The following DLG2 variants were observed in gnomAD, a reference collection of about 807,000 sequenced individuals.
DLG2 encodes disks large homolog 2.
A neutral mutation model predicts 132.5 loss-of-function variants in DLG2; 45 were observed. The observed-to-expected ratio is 0.34, with a 90% confidence interval of 0.27 to 0.44. The LOEUF is 0.44. DLG2 is among the 20% of genes least tolerant of loss of function. DLG2 has a pLI of 1.00. For synonymous variants in DLG2, 424 were observed against 419.6 expected, an observed-to-expected ratio of 1.01 and a Z score of -0.13; for missense variants, 1,045 against 1,196.9, an observed-to-expected ratio of 0.87 and a Z score of 1.87.
intron 21 of DLG2, among the ~76,000 whole-genome samples, chr11:83,528,011 G>T (rs2095650242): frequency 6.6e-6 from 1 of 152,118 alleles, no homozygotes; most frequent in African/African-American, 2.4e-5. Context: ...CCAGAGGCTG[G>T]TTTGACTAGA....
intron 7 of DLG2, among the ~76,000 whole-genome samples, chr11:84,269,431 G>T (rs1410470527): frequency 6.6e-6 from 1 of 152,152 alleles, no homozygotes; most frequent in Non-Finnish European, 1.5e-5. Context: ...TCAAAATTCT[G>T]TTTAACCTTC....
rs544398131 is a variant in DLG2 at position 85,403,328 on chromosome 11, T to C, written c.41-117963A>G. On this transcript the variant is annotated intron_variant, in intron 3 of 27. Transcript: ENST00000376104. ...CACACAGGGTCGGGTACATCAAACA[T>C]TGGGGCCTGTCAGTTGGTGGGGGCT... Among the ~76,000 whole-genome samples the C allele has an allele frequency of 2.5e-4, 38 of 151,830 alleles. No homozygotes were observed. In the East Asian group the frequency reaches 5.2e-3, roughly 21 times the overall value.
intron 5 of DLG2, among the ~76,000 whole-genome samples, chr11:85,139,287 C>T (rs2076312204): frequency 6.6e-6 from 1 of 152,052 alleles, no homozygotes; most frequent in African/African-American, 2.4e-5. Context: ...AGATGCTAAA[C>T]AGAGATTTTT....
chr11:85,589,047 T>C (rs899208561), intron 3 of DLG2, among the ~76,000 whole-genome samples: 1 of 152,194 alleles, frequency 6.6e-6, no homozygotes, highest in Non-Finnish European at 1.5e-5. Context: ...CAGCCATGGA[T>C]ACCAGCGCCT....
intron 6 of DLG2, among the ~76,000 whole-genome samples, chr11:84,800,253 AT>A (rs2075204579): frequency 6.6e-6 from 1 of 152,184 alleles, no homozygotes; most frequent in Non-Finnish European, 1.5e-5. Flanking sequence ...CTTTACATAT[AT>A]TTCCTATAAA....
chr11:84,867,810 C>T (rs954054071), intron 6 of DLG2, among the ~76,000 whole-genome samples: 18 of 152,110 alleles, frequency 1.2e-4, no homozygotes, highest in Admixed American at 7.9e-4. Context: ...CGTGGTGGCT[C>T]ACGCCTGTAA....
intron 3 of DLG2, among the ~76,000 whole-genome samples, chr11:85,582,731 A>G (rs2078634107): frequency 7.0e-6 from 1 of 143,400 alleles, no homozygotes; most frequent in South Asian, 2.3e-4. Context: ...TTTCTGAAGC[A>G]CAAGGCTTAT....
intron 3 of DLG2, among the ~76,000 whole-genome samples, chr11:85,351,791 T>C (rs1412966756): frequency 1.3e-5 from 2 of 152,202 alleles, no homozygotes; most frequent in African/African-American, 4.8e-5. Flanking sequence ...CTTTTTGAAG[T>C]GCTGCTGGAT....
At position 85,012,986 on chromosome 11, in the gene DLG2, A is replaced by C. The variant is rs1465810877; in HGVS notation, c.357+98675T>G. On this transcript the variant is annotated intron_variant, in intron 6 of 27. Transcript: ENST00000376104. ...GCATATAAAGTGGCAAGTTCATAGA[A>C]GGTCTTTTATCAATATTAAATATCT... Among the ~76,000 whole-genome samples the C allele has an allele frequency of 2.0e-5, 3 of 152,326 alleles. No individual in the cohort carries two copies. The East Asian group carries it at 5.8e-4, about 29-fold the overall frequency.
chr11:85,471,048 C>T lies in DLG2; in HGVS notation c.40+127609G>A, dbSNP rs552065367. 1.3e-4 allele frequency among the ~76,000 whole-genome samples: 20 copies of T among 152,282 alleles called. No individual in the cohort carries two copies. The South Asian group carries it at 3.9e-3, about 30-fold the overall frequency. ...TTTACATTTGAAAGACTAGGTTTCTCTCACTCTGAGGTGGGCAGGATGGCA... is the reference window on the plus strand; with the variant it reads ...TTTACATTTGAAAGACTAGGTTTCTTTCACTCTGAGGTGGGCAGGATGGCA... On this transcript the variant is annotated intron_variant, in intron 3 of 27. Coordinates refer to ENST00000376104, the MANE Select transcript of DLG2 (RefSeq NM_001142699.3).
intron 18 of DLG2, among the ~76,000 whole-genome samples, chr11:83,753,881 TA>T: frequency 1.3e-5 from 1 of 79,794 alleles, no homozygotes; most frequent in African/African-American, 9.7e-5. Context: ...ATATGATATA[TA>T]TCATATATAT....
At chr11:85,357,238 T>TGTGTGTGTG in intron 3 of DLG2, among the ~76,000 whole-genome samples, 1 of 118,200 alleles carries the variant, frequency 8.5e-6, no homozygotes, top group South Asian at 3.2e-4. Flanking sequence ...AATATCCTCT[T>TGTGTGTGTG]TGTGTGTGTG....
intron 7 of DLG2, among the ~76,000 whole-genome samples, chr11:84,458,276 C>T (rs1567688794): frequency 6.6e-6 from 1 of 150,686 alleles, no homozygotes; most frequent in Non-Finnish European, 1.5e-5. Context: ...GATTATTATT[C>T]CTGGAATAAG....
chr11:84,208,053 C>T (rs1340828460), intron 8 of DLG2, among the ~76,000 whole-genome samples: 1 of 152,158 alleles, frequency 6.6e-6, no homozygotes, highest in African/African-American at 2.4e-5. Context: ...TATGAATCCA[C>T]CTCTAACCTA....
intron 22 of DLG2, among the ~76,000 whole-genome samples, chr11:83,481,920 C>T (rs565713407): frequency 6.6e-6 from 1 of 152,158 alleles, no homozygotes; most frequent in East Asian, 1.9e-4. Context: ...ATTTCTGACA[C>T]TCCAAAAGCC....
intron 7 of DLG2, among the ~76,000 whole-genome samples, chr11:84,460,386 A>G (rs1393267396): frequency 6.6e-6 from 1 of 150,654 alleles, no homozygotes; most frequent in Non-Finnish European, 1.5e-5. Flanking sequence ...CATCAAGCAA[A>G]CAAATGAACA....
chr11:85,552,777 G>A (rs1458112412), intron 3 of DLG2, among the ~76,000 whole-genome samples: 1 of 151,370 alleles, frequency 6.6e-6, no homozygotes, highest in Non-Finnish European at 1.5e-5. Context: ...CAGAATGAAT[G>A]TTATGGAGGA....
chr11:85,166,715 T>G lies in DLG2; in HGVS notation c.187-12064A>C, dbSNP rs76411682. 4.1e-3 allele frequency among the ~76,000 whole-genome samples: 630 copies of G among 152,298 alleles called. 8 individuals carry two copies. Among genetic ancestry groups the G allele is most frequent in the East Asian group, 0.034 (176 of 5,184 alleles). On this transcript the variant is annotated intron_variant, in intron 4 of 27. Transcript: ENST00000376104. ...TCTCCATTCAAGCAGATTTAAAGCT[T>G]CTTCAACACAGTAAGTTTATTACCA...
intron 19 of DLG2, among the ~76,000 whole-genome samples, chr11:83,546,855 TG>T (rs1281271807): frequency 6.6e-5 from 10 of 152,132 alleles, no homozygotes; most frequent in Non-Finnish European, 1.3e-4. Flanking sequence ...ACAGCTATCC[TG>T]CAGTGCATAT....
Sources: gnomAD v4.1 joint callset for allele counts (sites outside exome capture counted in the v4.1 genomes callset) on GRCh38, gnomAD v4.1.1 for gene constraint, MANE v1.5 for transcripts, NCBI Gene and HGNC (gene_info 2026-07-23, HGNC 2026-07-21) for gene names.